Variants in EPS8 observed in about 807,000 individuals in gnomAD.
EPS8 encodes the protein EGFR pathway substrate 8, signaling adaptor.
In EPS8, 42 loss-of-function variants were observed where a neutral mutation model predicts 103.8. The ratio of observed to expected loss-of-function variants is 0.40; its 90% confidence interval spans 0.32 to 0.52. The LOEUF is 0.52. EPS8 is among the 20% of genes least tolerant of loss of function. The probability of loss-of-function intolerance (pLI) is 0.40; values close to 1 mark genes in which losing one functional copy is unlikely to be tolerated. For synonymous variants in EPS8, 344 were observed against 344.6 expected (o/e 1.00, Z 0.02); for missense variants, 969 against 1,005.1 (o/e 0.96, Z 0.49).
intron 1 of EPS8, among the ~76,000 whole-genome samples, chr12:15,741,707 A>G (rs116914416): frequency 9.3e-4 from 141 of 152,292 alleles, no homozygotes; most frequent in Non-Finnish European, 1.7e-3. Flanking sequence ...CATCACATCC[A>G]GATCAGTAAC....
At chr12:15,703,743 G>A (rs990752880) in intron 1 of EPS8, among the ~76,000 whole-genome samples, 10 of 149,942 alleles carry the variant, frequency 6.7e-5, no homozygotes, top group African/African-American at 1.7e-4. Flanking sequence ...ATCAGAGAAC[G>A]AAGTTGACAC....
At chr12:15,774,672 A>G (rs1171247725) in intron 1 of EPS8, among the ~76,000 whole-genome samples, 1 of 147,724 alleles carries the variant, frequency 6.8e-6, no homozygotes, top group Non-Finnish European at 1.5e-5. Context: ...ACACATATAT[A>G]TATTTTAAAC....
intron 1 of EPS8, among the ~76,000 whole-genome samples, chr12:15,756,846 G>A (rs1385435113): frequency 3.3e-5 from 5 of 152,126 alleles, no homozygotes; most frequent in African/African-American, 1.2e-4. Context: ...TCTAACATAA[G>A]AGTGCACTTA....
At chr12:15,637,426 G>A (rs1317427212) in intron 17 of EPS8, among the ~76,000 whole-genome samples, 3 of 152,234 alleles carry the variant, frequency 2.0e-5, no homozygotes, top group Non-Finnish European at 2.9e-5. Flanking sequence ...TCATACAGCT[G>A]TATAAATCTG....
At position 15,728,785 on chromosome 12, in the gene EPS8, A is replaced by G. The variant is rs1471416257; in HGVS notation, c.-21-45813T>C. 6.6e-6 allele frequency among the ~76,000 whole-genome samples: 1 copy of G among 152,242 alleles called. No individual in the cohort carries two copies. Among genetic ancestry groups the G allele is most frequent in the East Asian group, 1.9e-4 (1 of 5,202 alleles). The stretch of plus-strand genomic sequence containing the variant: ...TTTCTAGAAATATTTAAAGCACAAT[A>G]TATGTTAATATCAAACTTTGGTAGC... On this transcript the variant is annotated intron_variant, in intron 1 of 20. Transcript: ENST00000281172. This position sits in a 1 kb window ranked among gnomAD's most constrained non-coding sequence, Gnocchi z 4.5.
Position 15,713,470 on chromosome 12 carries a change from C to T in EPS8, c.-21-30498G>A, listed in dbSNP as rs1946493906. On this transcript the variant is annotated intron_variant, in intron 1 of 20. Coordinates refer to ENST00000281172, the MANE Select transcript of EPS8 (RefSeq NM_004447.6). The surrounding 1 kb of genome is among the most constrained non-coding windows in gnomAD (Gnocchi z 4.8). Reference sequence around the variant, plus strand: ...CATACACTGTCAGCTGTGGCCAACACTGGAGCTATGGGGATAATCACTGGA... The same window carrying T: ...CATACACTGTCAGCTGTGGCCAACATTGGAGCTATGGGGATAATCACTGGA... 6.6e-6 allele frequency: 1 copy of T among 152,240 alleles called. No homozygotes were observed. The highest frequency in any genetic ancestry group is 1.5e-5 in the Non-Finnish European group (1 of 68,070). The allele number at this position is 152,240 out of a possible 1,614,324, so 9.4% of individuals were successfully genotyped here.
At chr12:15,640,600 T>G in intron 17 of EPS8, 103 bp downstream of exon 17, 1 of 1,021,250 alleles carries the variant, frequency 9.8e-7, no homozygotes, top group Non-Finnish European at 1.4e-6. Context: ...TATAACCAAC[T>G]ACATCTCAAA....
chr12:15,654,358 G>A, intron 12 of EPS8, 65 bp from the exon 13 acceptor site: 2 of 1,470,046 alleles, frequency 1.4e-6, no homozygotes, highest in South Asian at 2.3e-5. Flanking sequence ...AAAATGTGTG[G>A]ACAAAAACCC....
chr12:15,766,546 G>A (rs1037225898), intron 1 of EPS8, among the ~76,000 whole-genome samples: 15 of 150,396 alleles, frequency 1.0e-4, no homozygotes, highest in Admixed American at 8.6e-4. Context: ...GAGCTAATGT[G>A]GGGCTCCTGT....
At position 15,761,404 on chromosome 12, in the gene EPS8, T is replaced by C. The variant is rs1368156618; in HGVS notation, c.-22+27757A>G. On this transcript the variant is annotated intron_variant, in intron 1 of 20. Coordinates refer to ENST00000281172, the MANE Select transcript of EPS8 (RefSeq NM_004447.6). The surrounding 1 kb of genome is among the most constrained non-coding windows in gnomAD (Gnocchi z 4.5). Reference sequence around the variant, plus strand: ...AATGAAATCCCTGTCAAAATATCCATGACATTCTTCACAGAAATAGAAAAA... The same window carrying C: ...AATGAAATCCCTGTCAAAATATCCACGACATTCTTCACAGAAATAGAAAAA... 3.3e-5 allele frequency among the ~76,000 whole-genome samples: 5 copies of C among 152,126 alleles called. No individual in the cohort carries two copies. The highest frequency in any genetic ancestry group is 2.6e-4 in the Admixed American group (4 of 15,262).
At chr12:15,659,716 T>G (rs1283138033) in intron 10 of EPS8, among the ~76,000 whole-genome samples, 1 of 152,174 alleles carries the variant, frequency 6.6e-6, no homozygotes, top group Non-Finnish European at 1.5e-5. Flanking sequence ...CTATTTTATA[T>G]CTTTCAATCT....
At chr12:15,686,987 G>A (rs556815845) in intron 1 of EPS8, among the ~76,000 whole-genome samples, 1 of 151,854 alleles carries the variant, frequency 6.6e-6, no homozygotes, top group South Asian at 2.1e-4. Flanking sequence ...TTTAATTTAT[G>A]TCTCCCAGTC....
In EPS8 at chr12:15,785,656, G is replaced by T. The variant is rs749822699; in HGVS notation, c.-22+3505C>A. On this transcript the variant is annotated intron_variant, in intron 1 of 20. Coordinates refer to ENST00000281172, the MANE Select transcript of EPS8 (RefSeq NM_004447.6). This position sits in a 1 kb window ranked among gnomAD's most constrained non-coding sequence, Gnocchi z 4.9. ...ACCACAGTAGCAACAAGCACACCTA[G>T]CACCCAGATCTTGGTTTCTAACACC... Among the ~76,000 whole-genome samples the T allele has an allele frequency of 2.6e-5, 4 of 152,022 alleles. No individual in the cohort carries two copies. Among genetic ancestry groups the T allele is most frequent in the Middle Eastern group, 3.2e-3 (1 of 314 alleles).
intron 7 of EPS8, among the ~76,000 whole-genome samples, 153 bp downstream of exon 7, chr12:15,666,287 C>A (rs565823508): frequency 2.0e-5 from 3 of 152,178 alleles, no homozygotes; most frequent in African/African-American, 2.4e-5. Flanking sequence ...AACACACTGA[C>A]AAACTTGGGA....
At chr12:15,679,527 C>A (rs964084783) in intron 3 of EPS8, among the ~76,000 whole-genome samples, 1 of 152,180 alleles carries the variant, frequency 6.6e-6, no homozygotes, top group African/African-American at 2.4e-5. Flanking sequence ...ACCTTCACAG[C>A]ATTGATAGTC....
chr12:15,755,777 A>G (rs890380048), intron 1 of EPS8, among the ~76,000 whole-genome samples: 1 of 151,990 alleles, frequency 6.6e-6, no homozygotes, highest in Non-Finnish European at 1.5e-5. Context: ...TCTTCCCCCA[A>G]TGATTCCTTC....
rs1450998678 is a variant in EPS8 at position 15,778,606 on chromosome 12, G to C, written c.-22+10555C>G. On this transcript the variant is annotated intron_variant, in intron 1 of 20. Coordinates refer to ENST00000281172, the MANE Select transcript of EPS8 (RefSeq NM_004447.6). This position sits in a 1 kb window ranked among gnomAD's most constrained non-coding sequence, Gnocchi z 4.5. ...TAAGGACAACTCAATCTGAAGATAGGGTTTCAAAAATTCACATTCCTGGAT... is the reference window on the plus strand; with the variant it reads ...TAAGGACAACTCAATCTGAAGATAGCGTTTCAAAAATTCACATTCCTGGAT... Among the ~76,000 whole-genome samples, 1 of 152,110 alleles carries C rather than the reference G, an allele frequency of 6.6e-6. No homozygotes were observed. The highest frequency in any genetic ancestry group is 1.9e-4 in the East Asian group (1 of 5,176).
At chr12:15,726,020 T>A (rs1946649120) in intron 1 of EPS8, among the ~76,000 whole-genome samples, 1 of 152,172 alleles carries the variant, frequency 6.6e-6, no homozygotes, top group African/African-American at 2.4e-5. Flanking sequence ...TACTTAAATA[T>A]AAGATCAGAA....
intron 12 of EPS8, among the ~76,000 whole-genome samples, chr12:15,656,128 A>G (rs1262732960): frequency 6.6e-6 from 1 of 152,228 alleles, no homozygotes; most frequent in African/African-American, 2.4e-5. Context: ...TGTAATGACT[A>G]GATATCTACA....
Sources: gnomAD v4.1 joint callset for allele counts (sites outside exome capture counted in the v4.1 genomes callset) on GRCh38, gnomAD v4.1.1 for gene constraint, Gnocchi (gnomAD v3.1) non-coding constraint, MANE v1.5 for transcripts, NCBI Gene and HGNC (gene_info 2026-07-23, HGNC 2026-07-21) for gene names.